TMEM182: variants seen among roughly 807,000 people sequenced by gnomAD.
The protein encoded by TMEM182 is transmembrane protein 182.
A neutral mutation model predicts 26.8 loss-of-function variants in TMEM182; 20 were observed. The observed-to-expected ratio is 0.75, with a 90% CI of 0.53 to 1.09. The LOEUF (loss-of-function observed/expected upper bound fraction) is 1.09. Ranked by LOEUF, TMEM182 falls within the 50% of genes least tolerant of loss-of-function variation. TMEM182 has a pLI of 0.00. For synonymous variants in TMEM182, 109 were observed against 102.2 expected, an observed-to-expected ratio of 1.07 and a Z score of -0.40; for missense variants, 277 against 275.5, an observed-to-expected ratio of 1.01 and a Z score of -0.04.
chr2:102,799,113 C>A (rs1682004463), intron 4 of TMEM182, among the ~76,000 whole-genome samples: 1 of 152,172 alleles, frequency 6.6e-6, no homozygotes, highest in Non-Finnish European at 1.5e-5. Flanking sequence ...AGCCAAACTT[C>A]AGTATGACTG....
At chr2:102,836,796 C>T (rs1457191674) in intron 3 of TMEM182, among the ~76,000 whole-genome samples, 1 of 152,220 alleles carries the variant, frequency 6.6e-6, no homozygotes, top group East Asian at 1.9e-4. Context: ...TGTGCTGCCC[C>T]ACAGACAACT....
chr2:102,763,706 T>TC (rs1463033334), intron 2 of TMEM182, among the ~76,000 whole-genome samples: 1 of 152,174 alleles, frequency 6.6e-6, no homozygotes, highest in Admixed American at 6.5e-5. Flanking sequence ...AGTCAGACTG[T>TC]GCAAGAGGAA....
In TMEM182 at chr2:102,815,047, C is replaced by T. The variant is rs1682695512; in HGVS notation, c.*79C>T. 2 of 1,544,162 alleles carry T rather than the reference C, an allele frequency of 1.3e-6. No homozygotes were observed. Among genetic ancestry groups the T allele is most frequent in the South Asian group, 1.2e-5 (1 of 80,842 alleles). ...TTTTTCCATTTTGTTTCATTGATCCCAGCATAAAGTTAGTAGATATAACTT... is the reference window on the plus strand; with the variant it reads ...TTTTTCCATTTTGTTTCATTGATCCTAGCATAAAGTTAGTAGATATAACTT... On this transcript the variant is annotated 3_prime_UTR_variant, in exon 5 of 5. Transcript: ENST00000412401.
At chr2:102,776,835 T>C (rs1680936513) in intron 3 of TMEM182, among the ~76,000 whole-genome samples, 2 of 152,216 alleles carry the variant, frequency 1.3e-5, no homozygotes, top group Non-Finnish European at 2.9e-5. Flanking sequence ...GCTTTTGGAC[T>C]TAGCCATTCG....
At position 102,823,435 on chromosome 2, in the gene TMEM182, C is replaced by T. The variant is rs112336093; in HGVS notation, c.326-19977C>T. Among the ~76,000 whole-genome samples, 1,258 of 152,160 alleles carry T rather than the reference C, an allele frequency of 8.3e-3. 16 individuals carry two copies. Among genetic ancestry groups the T allele is most frequent in the African/African-American group, 0.029 (1,192 of 41,508 alleles). On this transcript the variant is annotated intron_variant, in intron 3 of 3. Coordinates refer to the TMEM182 transcript ENST00000486293. The stretch of plus-strand genomic sequence containing the variant: ...GCAACCTCCGCCTCCTGGGTTCAAG[C>T]GATTCTCCTGCCTCAGCTCCCAAGT...
chr2:102,815,790 C>G lies in TMEM182; in HGVS notation c.*822C>G, dbSNP rs1194095011. 1 of 926,614 alleles carries G rather than the reference C, an allele frequency of 1.1e-6. No individual in the cohort carries two copies. Among genetic ancestry groups the G allele is most frequent in the Non-Finnish European group, 1.3e-6 (1 of 776,804 alleles). 57.4% of individuals were successfully genotyped at this position (926,614 alleles called of 1,614,324 possible). ...TAATTCTATTTGATATTTTAAAATT[C>G]TCATTTAAAAATTATATTGCTATCA... On this transcript the variant is annotated 3_prime_UTR_variant, in exon 5 of 5. Transcript: ENST00000412401.
rs1682960254 is a variant in TMEM182 at position 102,823,194 on chromosome 2, C to A, written c.326-20218C>A. Among the ~76,000 whole-genome samples the A allele has an allele frequency of 1.3e-5, 2 of 152,108 alleles. 1 individual carries two copies. The highest frequency in any genetic ancestry group is 4.1e-4 in the South Asian group (2 of 4,824). ...CTAGTGAAGTTAAATGTTCCCCTGA[C>A]TTGATTTTCTAGATAAGCATTTGAG... On this transcript the variant is annotated intron_variant, in intron 3 of 3. Transcript: ENST00000486293.
intron 3 of TMEM182, among the ~76,000 whole-genome samples, chr2:102,828,963 G>C (rs966249513): frequency 6.6e-6 from 1 of 152,280 alleles, no homozygotes; most frequent in African/African-American, 2.4e-5. Context: ...TATGTATATT[G>C]AACAAATATT....
intron 3 of TMEM182, among the ~76,000 whole-genome samples, chr2:102,794,986 T>C (rs540518508): frequency 6.6e-6 from 1 of 152,304 alleles, no homozygotes; most frequent in African/African-American, 2.4e-5. Context: ...TATTTTGTTT[T>C]CAATCTTTTT....
At chr2:102,796,789 C>A (rs1008651535) in intron 3 of TMEM182, among the ~76,000 whole-genome samples, 1 of 152,160 alleles carries the variant, frequency 6.6e-6, no homozygotes, top group African/African-American at 2.4e-5. Context: ...TGAAGTGACT[C>A]CTCTTCTCAA....
In TMEM182 at chr2:102,797,918, C is replaced by T. The variant is rs780466991; in HGVS notation, c.387C>T (p.Ile129=). The T allele has an allele frequency of 1.9e-5, 30 of 1,613,956 alleles. No homozygotes were observed. The highest frequency in any genetic ancestry group is 5.3e-5 in the African/African-American group (4 of 74,876). ...LMLLGVVAVV[I]ASFLIICAAP... Reference sequence around the variant, plus strand: ...TCCTGGGGGTAGTTGCTGTAGTCATCGCAAGCTTTTTGATCATCTGTGCAG... The same window carrying T: ...TCCTGGGGGTAGTTGCTGTAGTCATTGCAAGCTTTTTGATCATCTGTGCAG... Residue 129 remains isoleucine, a synonymous_variant, in exon 4 of 5, where the codon ATC becomes ATT. Coordinates refer to ENST00000412401, the MANE Select transcript of TMEM182 (RefSeq NM_144632.5).
At chr2:102,779,389 T>A (rs1252002344) in intron 3 of TMEM182, among the ~76,000 whole-genome samples, 1 of 152,204 alleles carries the variant, frequency 6.6e-6, no homozygotes, top group East Asian at 1.9e-4. Context: ...AAAGTTTCAG[T>A]CATTATTTCC....
At chr2:102,765,002 G>C (rs1162904889) in intron 3 of TMEM182, among the ~76,000 whole-genome samples, 1 of 151,924 alleles carries the variant, frequency 6.6e-6, no homozygotes, top group African/African-American at 2.4e-5. Flanking sequence ...GCTAAGGGTT[G>C]ATACAGACTA....
chr2:102,820,785 C>G (rs772918174), downstream of TMEM182, among the ~76,000 whole-genome samples: 1 of 152,112 alleles, frequency 6.6e-6, no homozygotes, highest in Non-Finnish European at 1.5e-5. Flanking sequence ...CATTCCAAGC[C>G]CTTGCCTCAT....
chr2:102,750,663 TCA>T (rs1298830966), intron 1 of TMEM182, among the ~76,000 whole-genome samples: 2 of 152,194 alleles, frequency 1.3e-5, no homozygotes, highest in African/African-American at 4.8e-5. Context: ...TCATTCTCTC[TCA>T]GACTCTGCAG....
upstream of TMEM182, among the ~76,000 whole-genome samples, chr2:102,761,694 A>AT (rs1352784891): frequency 6.6e-6 from 1 of 152,180 alleles, no homozygotes; most frequent in Non-Finnish European, 1.5e-5. Flanking sequence ...GTGGTTCTTT[A>AT]TATCTGTGAT....
At chr2:102,832,665 G>A (rs1050338035) in intron 3 of TMEM182, among the ~76,000 whole-genome samples, 2 of 152,148 alleles carry the variant, frequency 1.3e-5, no homozygotes, top group South Asian at 2.1e-4. Flanking sequence ...AACAATAAGC[G>A]CAGGCTGTCA....
At chr2:102,762,760 C>A in intron 2 of TMEM182, 74 bp downstream of exon 2, 1 of 1,248,090 alleles carries the variant, frequency 8.0e-7, no homozygotes, top group South Asian at 1.4e-5. Context: ...TAGTATATGT[C>A]ACTTCTAGCG....
At chr2:102,805,506 C>G (rs1682311672) in intron 4 of TMEM182, among the ~76,000 whole-genome samples, 1 of 152,052 alleles carries the variant, frequency 6.6e-6, no homozygotes, top group African/African-American at 2.4e-5. Context: ...TAACACCTGC[C>G]CAGATAAATC....
Sources: allele counts gnomAD v4.1 joint callset (sites outside exome capture counted in the v4.1 genomes callset), GRCh38; gene constraint gnomAD v4.1.1; transcripts MANE v1.5; gene names NCBI Gene and HGNC (gene_info 2026-07-23, HGNC 2026-07-21).